Variants in PDZD2 observed in about 807,000 individuals in gnomAD.
The protein encoded by PDZD2 is PDZ domain-containing protein 2.
In PDZD2, 90 loss-of-function variants were observed where a neutral mutation model predicts 220.7. The ratio of observed to expected loss-of-function variants is 0.41; its 90% confidence interval spans 0.34 to 0.49. PDZD2 has a LOEUF of 0.49. Among genes scored for constraint, PDZD2 ranks in the 20% least tolerant of loss-of-function variants. The pLI is 0.28. For synonymous variants in PDZD2, 1,375 were observed against 1,450.5 expected (o/e 0.95, Z 1.18); for missense variants, 3,174 against 3,608.5 (o/e 0.88, Z 3.08).
intron 14 of PDZD2, among the ~76,000 whole-genome samples, chr5:32,066,864 G>C (rs371644861): frequency 6.6e-6 from 1 of 152,084 alleles, no homozygotes; most frequent in Non-Finnish European, 1.5e-5. Context: ...GACCATACAG[G>C]TTCATCCATG....
Position 31,935,287 on chromosome 5 carries a change from G to A in PDZD2, c.477-47868G>A, listed in dbSNP as rs370067811. Among the ~76,000 whole-genome samples the A allele has an allele frequency of 3.0e-4, 46 of 152,222 alleles. 1 individual carries two copies. In the South Asian group the frequency reaches 4.3e-3, roughly 14 times the overall value. On this transcript the variant is annotated intron_variant, in intron 2 of 24. Coordinates refer to ENST00000438447, the MANE Select transcript of PDZD2 (RefSeq NM_178140.4). ...TTGGAATCTTTGTCTCTGGCTGTTG[G>A]ATCATGAAAGACCCCTTTGGCTTCA... is the stretch of plus-strand genomic sequence containing the variant.
chr5:31,771,826 C>G (rs7736697), intron 1 of PDZD2, among the ~76,000 whole-genome samples: 79,026 of 151,998 alleles, frequency 0.52, 21,030 homozygotes, highest in Middle Eastern at 0.58. Context: ...GGCTCCTTCA[C>G]TCACTGCCTG....
intron 2 of PDZD2, among the ~76,000 whole-genome samples, chr5:31,801,649 T>C (rs1301983139): frequency 1.3e-5 from 2 of 152,124 alleles, no homozygotes; most frequent in African/African-American, 4.8e-5. Flanking sequence ...CCTCCTTGGG[T>C]TCCCTTTACT....
chr5:31,953,232 A>G (rs1012300972), intron 2 of PDZD2, among the ~76,000 whole-genome samples: 2 of 151,954 alleles, frequency 1.3e-5, no homozygotes, highest in East Asian at 2.0e-4. Flanking sequence ...AGGAAATTTT[A>G]TATATGGAGA....
intron 1 of PDZD2, among the ~76,000 whole-genome samples, chr5:31,746,685 C>T (rs1750622190): frequency 6.6e-6 from 1 of 152,124 alleles, no homozygotes; most frequent in South Asian, 2.1e-4. Flanking sequence ...TCTGTGTGTC[C>T]TCACCCCGAG....
At chr5:31,673,864 G>C (rs1185568925) in intron 1 of PDZD2, among the ~76,000 whole-genome samples, 1 of 152,098 alleles carries the variant, frequency 6.6e-6, no homozygotes, top group South Asian at 2.1e-4. Context: ...CCAGCTACTC[G>C]GGAGGCTGAG....
chr5:31,901,002 C>T (rs898605635), intron 2 of PDZD2, among the ~76,000 whole-genome samples: 1 of 152,172 alleles, frequency 6.6e-6, no homozygotes, highest in African/African-American at 2.4e-5. Flanking sequence ...TCTCTGAACA[C>T]TAGTGTGTTG....
chr5:31,988,368 A>C (rs1750877798), intron 3 of PDZD2, among the ~76,000 whole-genome samples: 1 of 151,206 alleles, frequency 6.6e-6, no homozygotes, highest in Non-Finnish European at 1.5e-5. Context: ...TAAAGAATAC[A>C]GATGAAGAAT....
In PDZD2 at chr5:32,058,534, C is replaced by T. The variant is rs181534128; in HGVS notation, c.2200+431C>T. ...AAATAAAAAAAAAAAATTAGCTGGG[C>T]GTGGTGGCAAGCGCCTGTAATCCCA... On this transcript the variant is annotated intron_variant, in intron 12 of 24. Transcript: ENST00000438447. Among the ~76,000 whole-genome samples, 1,382 of 151,546 alleles carry T rather than the reference C, an allele frequency of 9.1e-3. 6 individuals are homozygous for T. Among genetic ancestry groups the T allele is most frequent in the Non-Finnish European group, 0.014 (923 of 67,912 alleles).
intron 2 of PDZD2, among the ~76,000 whole-genome samples, chr5:31,910,332 G>A (rs1216668999): frequency 1.4e-5 from 2 of 147,648 alleles, no homozygotes; most frequent in Admixed American, 1.4e-4. Flanking sequence ...CGATTCTCAT[G>A]ACTCAGCCTC....
At chr5:31,640,189 G>A (rs1291982999) in intron 1 of PDZD2, among the ~76,000 whole-genome samples, 1 of 152,142 alleles carries the variant, frequency 6.6e-6, no homozygotes, top group Non-Finnish European at 1.5e-5. Context: ...GAATTCAGCA[G>A]CAGGAGGGTC....
At chr5:31,908,110 A>G (rs1475993007) in intron 2 of PDZD2, among the ~76,000 whole-genome samples, 2 of 146,006 alleles carry the variant, frequency 1.4e-5, no homozygotes, top group Non-Finnish European at 3.0e-5. Context: ...AAAAAAAAAG[A>G]AAGAAAAGGA....
chr5:31,936,527 T>C (rs965707507), intron 2 of PDZD2, among the ~76,000 whole-genome samples: 8 of 151,458 alleles, frequency 5.3e-5, no homozygotes, highest in African/African-American at 1.9e-4. Flanking sequence ...CAGTTACTAG[T>C]GTGATGACCA....
intron 1 of PDZD2, among the ~76,000 whole-genome samples, chr5:31,734,381 G>A (rs887018978): frequency 4.6e-5 from 7 of 152,122 alleles, no homozygotes; most frequent in Non-Finnish European, 1.0e-4. Flanking sequence ...GTGCAGTGAT[G>A]TGATCTCAGC....
intron 21 of PDZD2, among the ~76,000 whole-genome samples, chr5:32,095,646 C>G (rs761731539): frequency 6.7e-6 from 1 of 149,594 alleles, no homozygotes; most frequent in Non-Finnish European, 1.5e-5. Context: ...CCTTAAACAC[C>G]ACTGGAAAAA....
chr5:31,908,436 C>T (rs561381465), intron 2 of PDZD2: 7 of 583,114 alleles, frequency 1.2e-5, no homozygotes, highest in African/African-American at 7.7e-5. Context: ...ACTGGCTGTG[C>T]GTGGAAGTGG....
At chr5:31,821,633 C>G (rs1283101766) in intron 2 of PDZD2, among the ~76,000 whole-genome samples, 1 of 152,286 alleles carries the variant, frequency 6.6e-6, no homozygotes, top group Non-Finnish European at 1.5e-5. Context: ...CCCGCCTCGG[C>G]CTCCCAAAGT....
intron 3 of PDZD2, among the ~76,000 whole-genome samples, chr5:31,987,824 C>G (rs1750833045): frequency 6.6e-6 from 1 of 152,144 alleles, no homozygotes; most frequent in Non-Finnish European, 1.5e-5. Context: ...CACTGAAAAT[C>G]CTGGGAAACC....
chr5:32,090,073 G>A lies in PDZD2; in HGVS notation c.6625G>A (p.Glu2209Lys), dbSNP rs779171837. The change falls in exon 20 of 25, where the codon GAG (glutamate) becomes AAG (lysine). Residue 2209 changes from glutamate to lysine, a missense_variant. Glu to Lys is a moderately conservative substitution (Grantham distance 56). Around this residue, in one of 4 missense-constraint regions of PDZD2, gnomAD observed 1,861 missense variants for 2,001.0 expected, o/e 0.93. Coordinates refer to ENST00000438447, the MANE Select transcript of PDZD2 (RefSeq NM_178140.4). This position sits in a 1 kb window ranked among gnomAD's most constrained non-coding sequence, Gnocchi z 4.3. ...RNSIPGGPSG[E>K]DHLYFTPRPA... ...CAGCATTCCAGGGGGCCCCTCGGGG[G>A]AGGACCATCTCTACTTCACCCCAAG... 14 of 1,613,632 alleles carry A rather than the reference G, an allele frequency of 8.7e-6. 1 individual carries two copies. The South Asian group carries it at 1.5e-4, about 18-fold the overall frequency.
Sources: gnomAD v4.1 joint callset for allele counts (sites outside exome capture counted in the v4.1 genomes callset) on GRCh38, gnomAD v4.1.1 for gene constraint, gnomAD v4.1.1 regional missense constraint, Gnocchi (gnomAD v3.1) non-coding constraint, MANE v1.5 for transcripts, NCBI Gene and HGNC (gene_info 2026-07-23, HGNC 2026-07-21) for gene names.